Variants in CLVS1 observed in about 807,000 individuals in gnomAD.
CLVS1 encodes the protein clavesin-1.
CLVS1 carries 10 observed loss-of-function variants against 33.1 expected under a neutral mutation model. That is an observed-to-expected ratio of 0.30 (90% CI 0.19 to 0.51). CLVS1 has a LOEUF of 0.51. CLVS1 is among the 20% of genes least tolerant of loss of function. The pLI is 0.97. For synonymous variants in CLVS1, 163 were observed against 166.1 expected (o/e 0.98, Z 0.14); for missense variants, 343 against 433.4 (o/e 0.79, Z 1.85).
intron 1 of CLVS1, among the ~76,000 whole-genome samples, chr8:61,074,996 C>T (rs867689826): frequency 3.9e-5 from 6 of 151,964 alleles, no homozygotes; most frequent in Admixed American, 6.6e-5. Context: ...CTTTTAAATG[C>T]TTTTTGATTT....
chr8:61,003,989 G>T, the CLVS1 span, among the ~76,000 whole-genome samples: 1 of 152,198 alleles, frequency 6.6e-6, no homozygotes, highest in Non-Finnish European at 1.5e-5. Flanking sequence ...ATTTGAGGGG[G>T]TGGCATTTGA....
chr8:61,194,461 T>C (rs1220758538), intron 2 of CLVS1, among the ~76,000 whole-genome samples: 1 of 152,008 alleles, frequency 6.6e-6, no homozygotes, highest in East Asian at 1.9e-4. Context: ...AGACATTAAG[T>C]TGGTGCATTA....
intron 1 of CLVS1, among the ~76,000 whole-genome samples, chr8:61,058,251 T>A (rs1315709935): frequency 6.6e-6 from 1 of 152,082 alleles, no homozygotes; most frequent in Non-Finnish European, 1.5e-5. Flanking sequence ...GGGGGTTTGA[T>A]GGGATTGTGC....
At chr8:61,236,431 A>C (rs1419703988) in intron 2 of CLVS1, among the ~76,000 whole-genome samples, 2 of 151,940 alleles carry the variant, frequency 1.3e-5, no homozygotes, top group African/African-American at 4.8e-5. Context: ...CCTGAAAAGG[A>C]CTCCTTCCAA....
intron 2 of CLVS1, among the ~76,000 whole-genome samples, chr8:61,324,976 A>T (rs1288586232): frequency 1.3e-5 from 2 of 152,178 alleles, no homozygotes; most frequent in African/African-American, 4.8e-5. Context: ...AAGGAAGAAG[A>T]GGAAGCACAC....
chr8:61,390,186 C>T (rs1563531479), intron 3 of CLVS1, among the ~76,000 whole-genome samples: 1 of 152,190 alleles, frequency 6.6e-6, no homozygotes, highest in Admixed American at 6.5e-5. Flanking sequence ...AAATTATACC[C>T]AATTCTACTC....
the CLVS1 span, among the ~76,000 whole-genome samples, chr8:60,995,871 A>G: frequency 8.5e-5 from 13 of 152,242 alleles, no homozygotes; most frequent in Non-Finnish European, 1.8e-4. Flanking sequence ...AGGGACATGG[A>G]TGAAATTGGA....
intron 2 of CLVS1, among the ~76,000 whole-genome samples, chr8:61,332,206 T>C (rs1273565729): frequency 6.6e-6 from 1 of 152,188 alleles, no homozygotes; most frequent in African/African-American, 2.4e-5. Flanking sequence ...ATGTAGACTT[T>C]CATTTAGCTG....
the CLVS1 span, among the ~76,000 whole-genome samples, chr8:60,996,316 C>G: frequency 6.6e-6 from 1 of 152,150 alleles, no homozygotes. Flanking sequence ...CACTGGAGCA[C>G]GAGCTCACAG....
chr8:61,276,000 T>C (rs1301610818), intron 2 of CLVS1, among the ~76,000 whole-genome samples: 1 of 152,228 alleles, frequency 6.6e-6, no homozygotes, highest in Non-Finnish European at 1.5e-5. Flanking sequence ...TGAGAGTCAC[T>C]GCTACATCAT....
intron 2 of CLVS1, among the ~76,000 whole-genome samples, chr8:61,233,177 A>T (rs1013470833): frequency 6.6e-6 from 1 of 152,194 alleles, no homozygotes; most frequent in African/African-American, 2.4e-5. Flanking sequence ...CTCAGTAATA[A>T]TTGAGAAGTA....
intron 3 of CLVS1, among the ~76,000 whole-genome samples, chr8:61,398,614 G>C (rs1563535727): frequency 6.6e-6 from 1 of 152,114 alleles, no homozygotes; most frequent in Non-Finnish European, 1.5e-5. Flanking sequence ...ATAAACGTGT[G>C]CCATGGTGGT....
chr8:61,257,747 T>C (rs565699664), intron 2 of CLVS1, among the ~76,000 whole-genome samples: 9 of 152,284 alleles, frequency 5.9e-5, no homozygotes, highest in Admixed American at 4.6e-4. Context: ...CTGGGCTTCA[T>C]TGATATGTTT....
At chr8:61,133,704 G>C (rs974868744) in intron 2 of CLVS1, among the ~76,000 whole-genome samples, 1 of 152,108 alleles carries the variant, frequency 6.6e-6, no homozygotes, top group Admixed American at 6.5e-5. Context: ...ATTGGGATTT[G>C]CAAGGTCAGT....
intron 1 of CLVS1, chr8:61,292,270 TC>T (rs1174246005): frequency 2.2e-6 from 1 of 448,178 alleles, no homozygotes; most frequent in Non-Finnish European, 4.5e-6. Flanking sequence ...ATAGCCTCTT[TC>T]CTCCCACCTC....
chr8:61,039,944 G>A, the CLVS1 span, among the ~76,000 whole-genome samples: 1 of 152,186 alleles, frequency 6.6e-6, no homozygotes, highest in Non-Finnish European at 1.5e-5. Context: ...CCATCACTCA[G>A]GTAATGAACA....
chr8:61,362,577 C>T (rs1356297283), intron 2 of CLVS1, among the ~76,000 whole-genome samples: 3 of 152,256 alleles, frequency 2.0e-5, no homozygotes, highest in East Asian at 1.9e-4. Context: ...ATAATTACTG[C>T]CCTCTGCCCA....
chr8:61,073,002 TC>T (rs897691523), intron 1 of CLVS1, among the ~76,000 whole-genome samples: 5 of 152,210 alleles, frequency 3.3e-5, no homozygotes, highest in African/African-American at 1.2e-4. Flanking sequence ...TTTAACACTT[TC>T]TCTGGGTTGA....
At chr8:61,482,505 C>T (rs911359169) in intron 5 of CLVS1, among the ~76,000 whole-genome samples, 30 of 152,258 alleles carry the variant, frequency 2.0e-4, no homozygotes, top group Non-Finnish European at 4.0e-4. Context: ...GTAGAGAAGT[C>T]CTTAAATGAC....
Sources: gnomAD v4.1 joint callset for allele counts (sites outside exome capture counted in the v4.1 genomes callset) on GRCh38, gnomAD v4.1.1 for gene constraint, MANE v1.5 for transcripts, NCBI Gene and HGNC (gene_info 2026-07-23, HGNC 2026-07-21) for gene names.